RIMBP2: variants seen among roughly 807,000 people sequenced by gnomAD.
RIMBP2 encodes RIMS binding protein 2.
RIMBP2 carries 48 observed loss-of-function variants against 118.6 expected under a neutral mutation model. The observed-to-expected ratio is 0.40, with a 90% CI of 0.32 to 0.51. The LOEUF (loss-of-function observed/expected upper bound fraction) is 0.51, where lower values mean the gene tolerates loss of function less well. RIMBP2 is among the 20% of genes least tolerant of loss of function. RIMBP2 has a pLI of 0.41. For missense variants in RIMBP2, 1,551 were observed against 1,768.3 expected (o/e 0.88, Z 2.20); for synonymous variants, 762 against 742.9 (o/e 1.03, Z -0.42).
intron 2 of RIMBP2, among the ~76,000 whole-genome samples, chr12:130,522,610 C>A (rs192344835): frequency 6.6e-6 from 1 of 152,174 alleles, no homozygotes. Flanking sequence ...CAAGGCGGGG[C>A]GCTGCGTAAA....
chr12:130,424,114 C>G lies in RIMBP2; in HGVS notation c.3129+28G>C. Reference sequence around the variant, plus strand: ...TGGGACAGATTGGTTTGGCAAGCGGCTGTGAAAAGGAAGTTTAGGTCACAC... The same window carrying G: ...TGGGACAGATTGGTTTGGCAAGCGGGTGTGAAAAGGAAGTTTAGGTCACAC... On this transcript the variant is annotated intron_variant, in intron 16 of 22. Transcript: ENST00000690449. This position sits in a 1 kb window ranked among gnomAD's most constrained non-coding sequence, Gnocchi z 9.8. 1 of 1,166,750 alleles carries G rather than the reference C, an allele frequency of 8.6e-7. No individual in the cohort carries two copies. The highest frequency in any genetic ancestry group is 1.1e-6 in the Non-Finnish European group (1 of 928,350). The allele number at this position is 1,166,750 out of a possible 1,614,324, so 72.3% of individuals were successfully genotyped here. A position where few individuals can be genotyped will look rare whatever the true frequency, so the allele number is the denominator to read the frequency against.
intron 2 of RIMBP2, among the ~76,000 whole-genome samples, chr12:130,568,489 G>A (rs1229443345): frequency 6.6e-6 from 1 of 152,232 alleles, no homozygotes; most frequent in Non-Finnish European, 1.5e-5. Flanking sequence ...GCCGTGAGCA[G>A]ACATTCAGCC....
intron 2 of RIMBP2, among the ~76,000 whole-genome samples, chr12:130,519,128 G>A (rs1413305704): frequency 6.6e-6 from 1 of 152,180 alleles, no homozygotes; most frequent in East Asian, 1.9e-4. Context: ...AATACTGGTG[G>A]GACACCCACA....
At chr12:130,443,370 A>G (rs998280132) in intron 10 of RIMBP2, among the ~76,000 whole-genome samples, 1 of 152,196 alleles carries the variant, frequency 6.6e-6, no homozygotes, top group African/African-American at 2.4e-5. Context: ...CAAGGCTGCT[A>G]ACAGCAGACG....
At chr12:130,685,328 T>C (rs1489849076) in intron 1 of RIMBP2, among the ~76,000 whole-genome samples, 1 of 152,216 alleles carries the variant, frequency 6.6e-6, no homozygotes, top group Non-Finnish European at 1.5e-5. Context: ...TCATGTTGTA[T>C]ATCTTAAATA....
chr12:130,494,276 A>C (rs975685488), intron 4 of RIMBP2, among the ~76,000 whole-genome samples: 3 of 152,106 alleles, frequency 2.0e-5, no homozygotes, highest in Non-Finnish European at 4.4e-5. Flanking sequence ...CCTCCCCGCC[A>C]CCACGGTTCT....
chr12:130,640,557 AG>A (rs1369005157), intron 1 of RIMBP2, among the ~76,000 whole-genome samples: 2 of 152,360 alleles, frequency 1.3e-5, no homozygotes, highest in African/African-American at 4.8e-5. Context: ...GTACTAAGAA[AG>A]GTTCAAAGCA....
At chr12:130,636,168 G>T (rs2062335330) in intron 1 of RIMBP2, among the ~76,000 whole-genome samples, 1 of 152,126 alleles carries the variant, frequency 6.6e-6, no homozygotes, top group African/African-American at 2.4e-5. Context: ...CAATGAGGCT[G>T]GTCTATACTC....
intron 1 of RIMBP2, among the ~76,000 whole-genome samples, chr12:130,646,101 C>G (rs1329333059): frequency 0.019 from 2,360 of 121,174 alleles, 96 homozygotes; most frequent in African/African-American, 0.029. Context: ...CTCTCCACCT[C>G]CCTCTCCACC....
At chr12:130,514,657 G>A (rs1169580664) in intron 3 of RIMBP2, among the ~76,000 whole-genome samples, 6 of 152,046 alleles carry the variant, frequency 3.9e-5, no homozygotes, top group African/African-American at 1.2e-4. Flanking sequence ...CAGCCCTGTC[G>A]TCAGCCTGCG....
Position 130,621,325 on chromosome 12 carries a change from A to G in RIMBP2, c.-217+6997T>C, listed in dbSNP as rs551762988. Among the ~76,000 whole-genome samples, 183 of 152,302 alleles carry G rather than the reference A, an allele frequency of 1.2e-3. 1 individual carries two copies. Among genetic ancestry groups the G allele is most frequent in the African/African-American group, 4.1e-3 (172 of 41,554 alleles). Reference sequence around the variant, plus strand: ...TGGGCCTAACTGTAGATATGATAATACAATGTGGGAACAGCGCCAGGCCTG... The same window carrying G: ...TGGGCCTAACTGTAGATATGATAATGCAATGTGGGAACAGCGCCAGGCCTG... On this transcript the variant is annotated intron_variant, in intron 2 of 22. Transcript: ENST00000690449. This position sits in a 1 kb window ranked among gnomAD's most constrained non-coding sequence, Gnocchi z 6.6.
intron 2 of RIMBP2, among the ~76,000 whole-genome samples, chr12:130,557,431 A>G (rs2056457381): frequency 6.6e-6 from 1 of 152,218 alleles, no homozygotes; most frequent in Non-Finnish European, 1.5e-5. Context: ...GCCTGCCCTC[A>G]GCCATGCGAG....
intron 2 of RIMBP2, among the ~76,000 whole-genome samples, chr12:130,612,566 T>C (rs562537459): frequency 1.1e-3 from 165 of 152,306 alleles, no homozygotes; most frequent in Non-Finnish European, 1.9e-3. Flanking sequence ...GAGCACATTA[T>C]GGGAAAATGG....
At position 130,506,689 on chromosome 12, in the gene RIMBP2, G is replaced by A; in HGVS notation, c.-45C>T. On this transcript the variant is annotated 5_prime_UTR_variant, in exon 4 of 23. Transcript: ENST00000690449. The stretch of plus-strand genomic sequence containing the variant: ...AGGTTCTCCAGCTTGGCTTGGAGCT[G>A]GTGTTTCTCCTTCACGGCCAAATCG... The A allele has an allele frequency of 1.0e-6, 1 of 985,708 alleles. No individual in the cohort carries two copies. The highest frequency in any genetic ancestry group is 4.7e-5 in the South Asian group (1 of 21,278). The allele number at this position is 985,708 out of a possible 1,614,324, so 61.1% of individuals were successfully genotyped here. A position where few individuals can be genotyped will look rare whatever the true frequency, so the allele number is the denominator to read the frequency against.
intron 8 of RIMBP2, 35 bp downstream of exon 8, chr12:130,451,160 G>A: frequency 6.2e-7 from 1 of 1,604,398 alleles, no homozygotes; most frequent in Non-Finnish European, 8.5e-7. Context: ...ACACAGCACA[G>A]GCAGCCCCGG....
At chr12:130,547,632 GA>G (rs1478767746) in intron 2 of RIMBP2, among the ~76,000 whole-genome samples, 2 of 152,194 alleles carry the variant, frequency 1.3e-5, no homozygotes, top group Non-Finnish European at 2.9e-5. Flanking sequence ...AAAAGGAAAT[GA>G]AATGCCTGAG....
chr12:130,691,293 G>A (rs146399621), intron 1 of RIMBP2, among the ~76,000 whole-genome samples: 15 of 152,312 alleles, frequency 9.8e-5, no homozygotes, highest in East Asian at 5.8e-4. Flanking sequence ...GAACCAACCC[G>A]AGGAATGTGT....
Position 130,619,868 on chromosome 12 carries a change from G to A in RIMBP2, c.-217+8454C>T, listed in dbSNP as rs535087159. Among the ~76,000 whole-genome samples, 33 of 152,254 alleles carry A rather than the reference G, an allele frequency of 2.2e-4. No homozygotes were observed. The East Asian group carries it at 2.3e-3, about 11-fold the overall frequency. On this transcript the variant is annotated intron_variant, in intron 2 of 22. Transcript: ENST00000690449. ...CTGCACAGGCCTGGGGTGGACAGCC[G>A]GTCAAAACACGTAAAGGGACAGTAA...
chr12:130,447,023 G>T lies in RIMBP2; in HGVS notation c.582-1754C>A, dbSNP rs184451570. 6.6e-6 allele frequency among the ~76,000 whole-genome samples: 1 copy of T among 151,180 alleles called. No homozygotes were observed. Among genetic ancestry groups the T allele is most frequent in the South Asian group, 2.1e-4 (1 of 4,730 alleles). On this transcript the variant is annotated intron_variant, in intron 9 of 22. Transcript: ENST00000690449. The surrounding 1 kb of genome is among the most constrained non-coding windows in gnomAD (Gnocchi z 4.4). Reference sequence around the variant, plus strand: ...GGGTTTTCAGGGGGATCTGCAGGGGGGTCTGGATGGGTAGATGGCCGAGAC... The same window carrying T: ...GGGTTTTCAGGGGGATCTGCAGGGGTGTCTGGATGGGTAGATGGCCGAGAC...
Sources: gnomAD v4.1 joint callset for allele counts (sites outside exome capture counted in the v4.1 genomes callset) on GRCh38, gnomAD v4.1.1 for gene constraint, Gnocchi (gnomAD v3.1) non-coding constraint, MANE v1.5 for transcripts, NCBI Gene and HGNC (gene_info 2026-07-23, HGNC 2026-07-21) for gene names.